Variants in PRKG1 observed in about 807,000 individuals in gnomAD.
PRKG1 encodes protein kinase cGMP-dependent 1.
In PRKG1, 35 loss-of-function variants were observed where a neutral mutation model predicts 88.1. That is an observed-to-expected ratio of 0.40 (90% CI 0.30 to 0.53). The LOEUF is 0.53. Ranked by LOEUF, PRKG1 falls within the 20% of genes least tolerant of loss-of-function variation. PRKG1 has a pLI of 0.59. For synonymous variants in PRKG1, 303 were observed against 292.5 expected (o/e 1.04, Z -0.37); for missense variants, 540 against 839.8 (o/e 0.64, Z 4.41).
At position 51,285,341 on chromosome 10, in the gene PRKG1, T is replaced by C. The variant is rs182069712; in HGVS notation, c.478+132011T>C. 3.3e-4 allele frequency among the ~76,000 whole-genome samples: 51 copies of C among 152,292 alleles called. No individual in the cohort carries two copies. The South Asian group carries it at 7.1e-3, about 21-fold the overall frequency. The stretch of plus-strand genomic sequence containing the variant: ...AGCACAAGAAGCAGTAGAATTCATA[T>C]AGTATGTTTACTTAGGTTCACAACT... On this transcript the variant is annotated intron_variant, in intron 2 of 17. Coordinates refer to ENST00000373980, the MANE Select transcript of PRKG1 (RefSeq NM_006258.4).
At chr10:51,817,643 A>T in intron 4 of PRKG1, among the ~76,000 whole-genome samples, 1 of 152,166 alleles carries the variant, frequency 6.6e-6, no homozygotes, top group East Asian at 1.9e-4. Flanking sequence ...TATTGTGAAC[A>T]GTGCTGCAAT....
chr10:51,256,757 G>A (rs1305076510), intron 2 of PRKG1, among the ~76,000 whole-genome samples: 1 of 152,110 alleles, frequency 6.6e-6, no homozygotes. Flanking sequence ...TTCTCTCAGT[G>A]GGAGTAGAAA....
chr10:51,229,848 G>A (rs181505342), intron 2 of PRKG1, among the ~76,000 whole-genome samples: 67 of 147,764 alleles, frequency 4.5e-4, no homozygotes, highest in African/African-American at 1.6e-3. Flanking sequence ...GATTGCTGGA[G>A]CCCAGGAAGT....
chr10:51,611,566 C>T (rs1400438822), intron 3 of PRKG1, among the ~76,000 whole-genome samples: 1 of 150,516 alleles, frequency 6.6e-6, no homozygotes, highest in Non-Finnish European at 1.5e-5. Flanking sequence ...ATATTTTCTC[C>T]GTTTCAAGAG....
intron 3 of PRKG1, among the ~76,000 whole-genome samples, chr10:51,765,599 A>C (rs1035850989): frequency 2.6e-5 from 4 of 152,154 alleles, no homozygotes; most frequent in Non-Finnish European, 5.9e-5. Flanking sequence ...TGTATATTTA[A>C]TTAATAAATT....
chr10:51,322,550 A>C (rs1841483632), intron 2 of PRKG1, among the ~76,000 whole-genome samples: 1 of 152,222 alleles, frequency 6.6e-6, no homozygotes, highest in Non-Finnish European at 1.5e-5. Flanking sequence ...TAATAGTAAT[A>C]GCAATAGAAT....
chr10:52,009,075 T>G (rs1480172874), intron 5 of PRKG1, among the ~76,000 whole-genome samples: 2 of 152,186 alleles, frequency 1.3e-5, no homozygotes, highest in African/African-American at 2.4e-5. Context: ...AACATTATAC[T>G]GAATGGGCAA....
chr10:52,185,989 A>T (rs536753935), intron 9 of PRKG1, among the ~76,000 whole-genome samples: 3 of 151,884 alleles, frequency 2.0e-5, no homozygotes, highest in Non-Finnish European at 2.9e-5. Flanking sequence ...GCTGTCCCAA[A>T]GGTCTCTGAA....
At chr10:51,790,899 C>A (rs942285802) in intron 3 of PRKG1, among the ~76,000 whole-genome samples, 1 of 152,132 alleles carries the variant, frequency 6.6e-6, no homozygotes, top group East Asian at 1.9e-4. Flanking sequence ...CCATCCAATT[C>A]AGTAATCCTG....
At chr10:51,421,161 CTTGT>C (rs140624432) in intron 2 of PRKG1, among the ~76,000 whole-genome samples, 66 of 151,408 alleles carry the variant, frequency 4.4e-4, no homozygotes, top group African/African-American at 1.1e-3. Context: ...CCTTTTATTT[CTTGT>C]TTGTTTGTTT....
intron 2 of PRKG1, among the ~76,000 whole-genome samples, chr10:51,447,956 T>C (rs1839323415): frequency 6.6e-6 from 1 of 152,074 alleles, no homozygotes; most frequent in African/African-American, 2.4e-5. Flanking sequence ...TTCAACTCAG[T>C]ATCTAATATT....
chr10:51,967,829 C>A lies in PRKG1; in HGVS notation c.762+60259C>A, dbSNP rs75758701. Among the ~76,000 whole-genome samples, 274 of 152,232 alleles carry A rather than the reference C, an allele frequency of 1.8e-3. 1 individual carries two copies. Among genetic ancestry groups the A allele is most frequent in the African/African-American group, 6.0e-3 (250 of 41,538 alleles). On this transcript the variant is annotated intron_variant, in intron 5 of 17. Coordinates refer to ENST00000373980, the MANE Select transcript of PRKG1 (RefSeq NM_006258.4). ...CCTCCCCTCTTTCTTGCAGAATGTGCCTTCCATATGCCTCACCTCAGGACC... is the reference window on the plus strand; with the variant it reads ...CCTCCCCTCTTTCTTGCAGAATGTGACTTCCATATGCCTCACCTCAGGACC...
chr10:52,092,135 G>T (rs1847072051), intron 7 of PRKG1, among the ~76,000 whole-genome samples: 1 of 152,026 alleles, frequency 6.6e-6, no homozygotes, highest in South Asian at 2.1e-4. Flanking sequence ...CACCTAATAG[G>T]CAGGTTGGTT....
intron 1 of PRKG1, among the ~76,000 whole-genome samples, chr10:51,047,254 G>T (rs376286425): frequency 1.3e-5 from 2 of 152,078 alleles, no homozygotes; most frequent in East Asian, 3.9e-4. Context: ...ATTCCACCAG[G>T]GATTGAATCC....
intron 3 of PRKG1, among the ~76,000 whole-genome samples, chr10:51,632,643 C>T (rs1237244152): frequency 6.6e-6 from 1 of 152,110 alleles, no homozygotes; most frequent in Non-Finnish European, 1.5e-5. Flanking sequence ...TTCCTAATTA[C>T]TTTGTGAATA....
At position 51,089,789 on chromosome 10, in the gene PRKG1, G is replaced by A. The variant is rs941185791; in HGVS notation, c.311+14888G>A. Among the ~76,000 whole-genome samples, 13 of 152,312 alleles carry A rather than the reference G, an allele frequency of 8.5e-5. No homozygotes were observed. In the East Asian group the frequency reaches 2.5e-3, roughly 29 times the overall value. ...GACAGATCATCACTGTTGTACAGAT[G>A]AGAAAATTAATTATCAAAGAGTTAA... On this transcript the variant is annotated intron_variant, in intron 1 of 17. Coordinates refer to ENST00000373980, the MANE Select transcript of PRKG1 (RefSeq NM_006258.4).
chr10:52,212,795 C>T (rs949659147), intron 9 of PRKG1, among the ~76,000 whole-genome samples: 1 of 152,088 alleles, frequency 6.6e-6, no homozygotes, highest in African/African-American at 2.4e-5. Flanking sequence ...TGGAATAAAA[C>T]CAAGTTTCGA....
At chr10:52,251,019 T>C (rs1434611753) in intron 9 of PRKG1, among the ~76,000 whole-genome samples, 1 of 152,094 alleles carries the variant, frequency 6.6e-6, no homozygotes, top group Non-Finnish European at 1.5e-5. Flanking sequence ...TTTCGGACAT[T>C]TGTACATCAG....
intron 2 of PRKG1, among the ~76,000 whole-genome samples, chr10:51,318,397 AGCAT>A: frequency 6.6e-6 from 1 of 152,356 alleles, no homozygotes; most frequent in East Asian, 1.9e-4. Context: ...TAAAACATTC[AGCAT>A]GGTGTCAAAT....
Sources: allele counts gnomAD v4.1 joint callset (sites outside exome capture counted in the v4.1 genomes callset), GRCh38; gene constraint gnomAD v4.1.1; transcripts MANE v1.5; gene names NCBI Gene and HGNC (gene_info 2026-07-23, HGNC 2026-07-21).